The following RNF216 variants were observed in gnomAD, a reference collection of about 807,000 sequenced individuals.
The protein encoded by RNF216 is ring finger protein 216.
RNF216 carries 72 observed loss-of-function variants against 110.8 expected under a neutral mutation model. That is an observed-to-expected ratio of 0.65 (90% CI 0.54 to 0.79). The LOEUF is 0.79. Among genes scored for constraint, RNF216 ranks in the 30% least tolerant of loss-of-function variants. The probability of loss-of-function intolerance (pLI) is 0.00; values close to 1 mark genes in which losing one functional copy is unlikely to be tolerated. For synonymous variants in RNF216, 495 were observed against 407.5 expected, an observed-to-expected ratio of 1.21 and a Z score of -2.59; for missense variants, 1,342 against 1,141.2, an observed-to-expected ratio of 1.18 and a Z score of -2.54.
At chr7:5,652,376 G>A (rs1451377879) in intron 14 of RNF216, 37 bp downstream of exon 14, 1 of 1,444,550 alleles carries the variant, frequency 6.9e-7, no homozygotes, top group Non-Finnish European at 9.7e-7. Context: ...GGGAAGTTGA[G>A]AATCAGCCCA....
intron 3 of RNF216, among the ~76,000 whole-genome samples, chr7:5,748,983 T>C (rs189804797): frequency 6.1e-4 from 93 of 152,250 alleles, no homozygotes; most frequent in African/African-American, 2.2e-3. Context: ...CCAAAATATA[T>C]GAGAGAACTC....
chr7:5,668,318 G>A (rs576433740), intron 13 of RNF216, among the ~76,000 whole-genome samples: 2 of 151,276 alleles, frequency 1.3e-5, no homozygotes, highest in African/African-American at 4.9e-5. Flanking sequence ...CCGCCTCCCA[G>A]GTTCACACCA....
Position 5,761,085 on chromosome 7 carries a change from T to C in RNF216, c.-16A>G, listed in dbSNP as rs893112773. On this transcript the variant is annotated 5_prime_UTR_variant, in exon 2 of 17. An upstream start codon of the reference 5' UTR is lost. Transcript: ENST00000389902. ...CCTCTTCCATTTTCAAATGCAGACA[T>C]GCATATATGGGACTGCTAATATCTA... The C allele has an allele frequency of 1.0e-5, 16 of 1,559,396 alleles. No individual in the cohort carries two copies. The highest frequency in any genetic ancestry group is 2.8e-5 in the African/African-American group (2 of 71,834).
At chr7:5,643,595 G>A (rs778248725) in intron 14 of RNF216, among the ~76,000 whole-genome samples, 22 of 152,144 alleles carry the variant, frequency 1.4e-4, no homozygotes, top group Non-Finnish European at 3.2e-4. Context: ...TCTGATGGTG[G>A]CATAAGCCAT....
chr7:5,657,409 A>T (rs1230657665), intron 13 of RNF216, among the ~76,000 whole-genome samples: 1 of 152,110 alleles, frequency 6.6e-6, no homozygotes, highest in East Asian at 1.9e-4. Flanking sequence ...CTCTACTAAA[A>T]ATACAAAATT....
At chr7:5,740,859 T>C in intron 4 of RNF216, 114 bp downstream of exon 4, 1 of 939,808 alleles carries the variant, frequency 1.1e-6, no homozygotes, top group Non-Finnish European at 1.5e-6. Context: ...TATATACTTC[T>C]TAGGAAAATG....
At chr7:5,693,073 C>T (rs1013359562) in intron 13 of RNF216, among the ~76,000 whole-genome samples, 2 of 152,222 alleles carry the variant, frequency 1.3e-5, no homozygotes, top group African/African-American at 4.8e-5. Flanking sequence ...CATATTTGCA[C>T]AACGGGATTC....
chr7:5,722,919 G>C (rs186408411), intron 8 of RNF216, among the ~76,000 whole-genome samples: 50 of 152,016 alleles, frequency 3.3e-4, no homozygotes, highest in African/African-American at 1.1e-3. Context: ...AGAATCGCTT[G>C]AGCTTGGGAA....
intron 9 of RNF216, among the ~76,000 whole-genome samples, chr7:5,717,317 C>A (rs1053510923): frequency 6.6e-6 from 1 of 152,200 alleles, no homozygotes; most frequent in Non-Finnish European, 1.5e-5. Context: ...CGCACCATTG[C>A]ACTCTAGCCC....
intron 13 of RNF216, among the ~76,000 whole-genome samples, chr7:5,657,651 G>A (rs925307021): frequency 5.3e-5 from 8 of 152,040 alleles, no homozygotes; most frequent in Admixed American, 1.3e-4. Flanking sequence ...TTGACTATTC[G>A]CAAATGCTCA....
chr7:5,729,384 A>G, intron 7 of RNF216, 48 bp downstream of exon 7: 1 of 1,571,346 alleles, frequency 6.4e-7, no homozygotes. Context: ...TACCATGGGA[A>G]GATGTAGTCA....
At chr7:5,708,931 C>T (rs939813603) in intron 13 of RNF216, among the ~76,000 whole-genome samples, 1 of 152,156 alleles carries the variant, frequency 6.6e-6, no homozygotes, top group Non-Finnish European at 1.5e-5. Context: ...CCTACTGTAC[C>T]GTGGGTCCTC....
intron 1 of RNF216, among the ~76,000 whole-genome samples, chr7:5,769,121 CTT>C (rs68129648): frequency 0.092 from 11,845 of 128,598 alleles, 836 homozygotes; most frequent in African/African-American, 0.21. Flanking sequence ...TTCCAAATGC[CTT>C]TTTTTTTTTT....
chr7:5,710,515 T>A (rs1251377165), intron 13 of RNF216, among the ~76,000 whole-genome samples: 1 of 152,126 alleles, frequency 6.6e-6, no homozygotes, highest in Non-Finnish European at 1.5e-5. Context: ...TCTAAGCAAC[T>A]CATGAAGACC....
At chr7:5,698,425 A>ACACACG (rs1791765912) in intron 13 of RNF216, among the ~76,000 whole-genome samples, 1 of 151,672 alleles carries the variant, frequency 6.6e-6, no homozygotes, top group African/African-American at 2.4e-5. Context: ...ATACACACAC[A>ACACACG]CGCATGCATG....
chr7:5,647,795 T>TTA, intron 14 of RNF216, among the ~76,000 whole-genome samples: 1 of 152,302 alleles, frequency 6.6e-6, no homozygotes, highest in East Asian at 1.9e-4. Flanking sequence ...TTTCTTAAAT[T>TTA]TATCCCCTCT....
chr7:5,660,260 A>C (rs1356897268), intron 13 of RNF216, among the ~76,000 whole-genome samples: 1 of 79,862 alleles, frequency 1.3e-5, no homozygotes, highest in African/African-American at 3.7e-5. Context: ...GCCCTGTTTT[A>C]AATTCTTTTT....
At chr7:5,723,954 G>C (rs2128638425) in intron 8 of RNF216, among the ~76,000 whole-genome samples, 1 of 152,290 alleles carries the variant, frequency 6.6e-6, no homozygotes, top group Non-Finnish European at 1.5e-5. Context: ...TATACTTCCA[G>C]GGTCCTTCAA....
At chr7:5,728,416 C>A (rs1290689215) in intron 7 of RNF216, among the ~76,000 whole-genome samples, 2 of 151,888 alleles carry the variant, frequency 1.3e-5, no homozygotes, top group African/African-American at 4.8e-5. Context: ...CCCATCTTTA[C>A]TAAAAATACC....
Sources: allele counts gnomAD v4.1 joint callset (sites outside exome capture counted in the v4.1 genomes callset), GRCh38; gene constraint gnomAD v4.1.1; transcripts MANE v1.5; gene names NCBI Gene and HGNC (gene_info 2026-07-23, HGNC 2026-07-21).